Variants in ABCA13 observed in about 807,000 individuals in gnomAD.
ABCA13 encodes ATP-binding cassette sub-family A member 13.
In ABCA13, 476 loss-of-function variants were observed where a neutral mutation model predicts 478.7. The observed-to-expected ratio is 0.99, with a 90% confidence interval of 0.92 to 1.07. The LOEUF (loss-of-function observed/expected upper bound fraction) is 1.07. ABCA13 is among the 50% of genes least tolerant of loss of function. The pLI is 0.00. For missense variants in ABCA13, 6,060 were observed against 5,910.6 expected, an observed-to-expected ratio of 1.03 and a Z score of -0.83; for synonymous variants, 2,252 against 2,158.9, an observed-to-expected ratio of 1.04 and a Z score of -1.20.
At chr7:48,558,567 G>A (rs1283837066) in intron 55 of ABCA13, among the ~76,000 whole-genome samples, 1 of 151,906 alleles carries the variant, frequency 6.6e-6, no homozygotes, top group Non-Finnish European at 1.5e-5. Context: ...CAAAGTGCTG[G>A]GATTACAGAC....
intron 1 of ABCA13, among the ~76,000 whole-genome samples, chr7:48,181,101 G>A (rs1795639886): frequency 6.6e-6 from 1 of 152,224 alleles, no homozygotes; most frequent in African/African-American, 2.4e-5. Flanking sequence ...CGCAGTTCCT[G>A]TAAAGCCAGT....
chr7:48,574,298 G>GTT (rs1160342594), intron 55 of ABCA13, among the ~76,000 whole-genome samples: 1 of 151,924 alleles, frequency 6.6e-6, no homozygotes, highest in Non-Finnish European at 1.5e-5. Context: ...TACTAAATAC[G>GTT]TTTTTTAAAG....
chr7:48,494,591 C>T (rs1164252658), intron 48 of ABCA13, among the ~76,000 whole-genome samples: 2 of 152,070 alleles, frequency 1.3e-5, no homozygotes, highest in Non-Finnish European at 2.9e-5. Flanking sequence ...TTATCAAACC[C>T]AGTATGGAAC....
rs1360363322 is a variant in ABCA13 at position 48,387,975 on chromosome 7, A to G, written c.11473+16A>G. On this transcript the variant is annotated intron_variant, in intron 36 of 61. Transcript: ENST00000435803. Reference sequence around the variant, plus strand: ...GACAATAAAGGTTTGTAAGGAGTAGAATTATTAGATGCATGTATTTTTCCT... The same window carrying G: ...GACAATAAAGGTTTGTAAGGAGTAGGATTATTAGATGCATGTATTTTTCCT... The G allele has an allele frequency of 1.3e-6, 2 of 1,591,198 alleles. No homozygotes were observed. The highest frequency in any genetic ancestry group is 3.7e-5 in the Admixed American group (2 of 53,460).
intron 1 of ABCA13, among the ~76,000 whole-genome samples, chr7:48,178,758 A>G (rs1249363882): frequency 6.6e-6 from 1 of 151,558 alleles, no homozygotes; most frequent in Non-Finnish European, 1.5e-5. Flanking sequence ...TTCTAAAGGT[A>G]TGGAAAACTG....
In ABCA13 at chr7:48,273,741, G is replaced by C. The variant is rs1297234705; in HGVS notation, c.4075G>C (p.Glu1359Gln). 6.2e-7 allele frequency: 1 copy of C among 1,610,178 alleles called. No individual in the cohort carries two copies. Among genetic ancestry groups the C allele is most frequent in the African/African-American group, 1.3e-5 (1 of 74,980 alleles). The change falls in exon 17 of 62, where the codon GAA becomes CAA. Residue 1359 changes from glutamate to glutamine, a missense_variant. Coordinates refer to ENST00000435803, the MANE Select transcript of ABCA13 (RefSeq NM_152701.5). Reference protein sequence around the residue: ...IFQNVTECILEDGFLYVNTSQ... With the variant: ...IFQNVTECILQDGFLYVNTSQ... ...CCAAAATGTTACTGAGTGTATTTTAGAAGATGGCTTTTTATATGTAAATAC... is the reference window on the plus strand; with the variant it reads ...CCAAAATGTTACTGAGTGTATTTTACAAGATGGCTTTTTATATGTAAATAC...
At chr7:48,411,855 A>G (rs866163526) in intron 40 of ABCA13, among the ~76,000 whole-genome samples, 2 of 152,272 alleles carry the variant, frequency 1.3e-5, no homozygotes, top group Middle Eastern at 6.8e-3. Context: ...GTGGCCCACG[A>G]AAAGTCTTCC....
At chr7:48,544,989 C>T (rs1301322752) in intron 55 of ABCA13, among the ~76,000 whole-genome samples, 2 of 151,948 alleles carry the variant, frequency 1.3e-5, no homozygotes, top group East Asian at 3.9e-4. Context: ...GAAATCCCCA[C>T]ACATTTGGTC....
intron 29 of ABCA13, among the ~76,000 whole-genome samples, chr7:48,349,954 C>T (rs149538569): frequency 2.2e-4 from 34 of 152,308 alleles, no homozygotes; most frequent in East Asian, 5.8e-4. Context: ...GGCATTCCCA[C>T]GCTGCCTTGC....
intron 38 of ABCA13, among the ~76,000 whole-genome samples, chr7:48,397,220 A>G (rs906251687): frequency 6.6e-6 from 1 of 152,112 alleles, no homozygotes; most frequent in African/African-American, 2.4e-5. Context: ...GGAGGACATG[A>G]GAATACAGCA....
chr7:48,406,908 T>C (rs1818338380), intron 39 of ABCA13, among the ~76,000 whole-genome samples: 1 of 151,432 alleles, frequency 6.6e-6, no homozygotes, highest in Admixed American at 6.6e-5. Context: ...AAATAAAATA[T>C]ATGTATATAT....
intron 42 of ABCA13, among the ~76,000 whole-genome samples, chr7:48,443,599 C>T (rs1191412855): frequency 6.6e-6 from 1 of 152,130 alleles, no homozygotes; most frequent in Non-Finnish European, 1.5e-5. Flanking sequence ...CAGTTTTTCC[C>T]AGTAGGTTTA....
intron 41 of ABCA13, among the ~76,000 whole-genome samples, chr7:48,423,687 C>G (rs563219830): frequency 6.6e-6 from 1 of 152,166 alleles, no homozygotes; most frequent in Non-Finnish European, 1.5e-5. Flanking sequence ...TTTACTGTCC[C>G]TTGAAAAGAA....
intron 38 of ABCA13, among the ~76,000 whole-genome samples, chr7:48,401,791 T>C (rs1385235503): frequency 9.2e-6 from 1 of 108,586 alleles, no homozygotes; most frequent in African/African-American, 3.3e-5. Context: ...GGGAGCAAAA[T>C]TGTCCATAAA....
intron 48 of ABCA13, among the ~76,000 whole-genome samples, chr7:48,503,577 G>A (rs894359824): frequency 4.6e-5 from 7 of 152,092 alleles, no homozygotes; most frequent in African/African-American, 1.7e-4. Context: ...TTAACATAAT[G>A]TCTTTCATGT....
intron 55 of ABCA13, among the ~76,000 whole-genome samples, chr7:48,578,035 A>G (rs925196683): frequency 7.2e-5 from 11 of 152,106 alleles, no homozygotes; most frequent in East Asian, 1.9e-4. Flanking sequence ...CTTATTCATG[A>G]TACTAACTCT....
chr7:48,528,611 T>C (rs1247584946), intron 55 of ABCA13, among the ~76,000 whole-genome samples: 2 of 151,982 alleles, frequency 1.3e-5, no homozygotes, highest in African/African-American at 2.4e-5. Flanking sequence ...TCAGAGTGGA[T>C]TGGAAGTGCC....
In ABCA13 at chr7:48,279,709, A is replaced by G. The variant is rs1425450468; in HGVS notation, c.8515A>G (p.Thr2839Ala). 1.2e-6 allele frequency: 2 copies of G among 1,613,658 alleles called. No homozygotes were observed. Among genetic ancestry groups the G allele is most frequent in the Admixed American group, 3.3e-5 (2 of 60,008 alleles). The change falls in exon 18 of 62, where the codon ACT becomes GCT. Residue 2839 changes from threonine (T) to alanine (A), a missense_variant. Coordinates refer to ENST00000435803, the MANE Select transcript of ABCA13 (RefSeq NM_152701.5). ...GLLFNNSEWI[T>A]STRTLFQPLF... ...TCTGTTTAACAACTCTGAATGGATAACTTCCACAAGAACTTTGTTTCAGCC... is the reference window on the plus strand; with the variant it reads ...TCTGTTTAACAACTCTGAATGGATAGCTTCCACAAGAACTTTGTTTCAGCC...
At chr7:48,403,565 T>G in intron 38 of ABCA13, 118 bp from the exon 39 acceptor site, 4 of 1,013,402 alleles carry the variant, frequency 3.9e-6, no homozygotes, top group South Asian at 1.5e-5. Context: ...CACACCTCTG[T>G]GATATATTTG....
Sources: gnomAD v4.1 joint callset for allele counts (sites outside exome capture counted in the v4.1 genomes callset) on GRCh38, gnomAD v4.1.1 for gene constraint, MANE v1.5 for transcripts, NCBI Gene and HGNC (gene_info 2026-07-23, HGNC 2026-07-21) for gene names.